Variants in TMEM67 observed in about 807,000 individuals in gnomAD.
TMEM67 encodes the protein transmembrane protein 67.
In TMEM67, 124 loss-of-function variants were observed where a neutral mutation model predicts 136.6. That is an observed-to-expected ratio of 0.91 (90% confidence interval 0.78 to 1.05). The LOEUF is 1.05. TMEM67 is among the 50% of genes least tolerant of loss of function. The pLI is 0.00. For synonymous variants in TMEM67, 364 were observed against 390.5 expected, an observed-to-expected ratio of 0.93 and a Z score of 0.80; for missense variants, 1,107 against 1,178.4, an observed-to-expected ratio of 0.94 and a Z score of 0.89.
intron 18 of TMEM67, among the ~76,000 whole-genome samples, chr8:93,796,696 A>G (rs1000966669): frequency 2.4e-4 from 36 of 150,698 alleles, no homozygotes; most frequent in Non-Finnish European, 5.2e-4. Flanking sequence ...GCAGAAATAG[A>G]AAAAAAAGAC....
chr8:93,759,578 A>G (rs1298437079), intron 3 of TMEM67: 2 of 152,248 alleles, frequency 1.3e-5, no homozygotes, highest in Non-Finnish European at 2.9e-5. Context: ...GGAAGAAAAT[A>G]CCTCATATAC....
At chr8:93,771,247 T>C (rs1225231921) in intron 6 of TMEM67, among the ~76,000 whole-genome samples, 1 of 151,190 alleles carries the variant, frequency 6.6e-6, no homozygotes, top group African/African-American at 2.4e-5. Context: ...TTTTTCTCTG[T>C]GCTTTTTTTT....
At chr8:93,815,671 G>A (rs1272870883) in intron 27 of TMEM67, among the ~76,000 whole-genome samples, 1 of 152,210 alleles carries the variant, frequency 6.6e-6, no homozygotes, top group Non-Finnish European at 1.5e-5. Flanking sequence ...GGCATAAGTT[G>A]CTTGATTATA....
chr8:93,776,708 G>C (rs1160885206), intron 7 of TMEM67, among the ~76,000 whole-genome samples: 1 of 152,224 alleles, frequency 6.6e-6, no homozygotes, highest in Admixed American at 6.5e-5. Context: ...AAGTCAGCTT[G>C]ATCGTGTTGG....
rs1014440884 is a variant in TMEM67, at chr8:93,772,780, A to T, written c.714+129A>T. The T allele has an allele frequency of 4.9e-5, 33 of 668,148 alleles. 1 individual carries two copies. The Middle Eastern group carries it at 1.3e-3, about 26-fold the overall frequency. 41.4% of individuals were successfully genotyped at this position (668,148 alleles called of 1,614,324 possible). A position where few individuals can be genotyped will look rare whatever the true frequency, so the allele number is the denominator to read the frequency against. ...GGTCATAATCTTATAAGAAGAATAAACTCTTTCTTGTGGGCTGAAAGAGAA... is the reference window on the plus strand; with the variant it reads ...GGTCATAATCTTATAAGAAGAATAATCTCTTTCTTGTGGGCTGAAAGAGAA... On this transcript the variant is annotated intron_variant, in intron 7 of 27. Transcript: ENST00000453321.
Position 93,817,970 on chromosome 8 carries a change from G to C in TMEM67, c.*1518G>C, listed in dbSNP as rs1057085034. On this transcript the variant is annotated 3_prime_UTR_variant, in exon 28 of 28. Coordinates refer to ENST00000453321, the MANE Select transcript of TMEM67 (RefSeq NM_153704.6). ...TTCAACATAGAAGAAGTTAATTTTA[G>C]TGCAAAAGTTTTTAAGTATTAAATT... 2.6e-5 allele frequency: 4 copies of C among 152,184 alleles called. No individual in the cohort carries two copies. The highest frequency in any genetic ancestry group is 6.5e-5 in the Admixed American group (1 of 15,272). 9.4% of individuals were successfully genotyped at this position (152,184 alleles called of 1,614,324 possible).
chr8:93,788,988 G>C (rs1448402121), intron 14 of TMEM67, among the ~76,000 whole-genome samples: 1 of 151,814 alleles, frequency 6.6e-6, no homozygotes, highest in African/African-American at 2.4e-5. Flanking sequence ...GAGGGATAGA[G>C]GTAAAAAAAA....
downstream of TMEM67, among the ~76,000 whole-genome samples, chr8:93,819,978 G>C (rs1809017504): frequency 1.3e-5 from 2 of 152,062 alleles, no homozygotes; most frequent in Admixed American, 1.3e-4. Context: ...ACCCTAGGAG[G>C]CAATGTTCCT....
At chr8:93,819,146 T>C (rs1283740971), downstream of TMEM67, 1 of 451,616 alleles carries the variant, frequency 2.2e-6, no homozygotes, top group Non-Finnish European at 4.4e-6. Flanking sequence ...GAGTAAACTA[T>C]GAATGCTGGA....
intron 12 of TMEM67, 144 bp from the exon 13 acceptor site, chr8:93,786,079 A>C: frequency 1.3e-6 from 1 of 754,052 alleles, no homozygotes; most frequent in Non-Finnish European, 2.2e-6. Flanking sequence ...GTCTAAAAAA[A>C]ACAAAAGAAG....
chr8:93,825,878 A>G, the TMEM67 span, among the ~76,000 whole-genome samples: 1 of 152,192 alleles, frequency 6.6e-6, no homozygotes, highest in African/African-American at 2.4e-5. Context: ...CCAATTGACC[A>G]TTTGGGTGTA....
chr8:93,787,711 C>T (rs1040099916), intron 13 of TMEM67, 133 bp from the exon 14 acceptor site: 61 of 724,440 alleles, frequency 8.4e-5, no homozygotes, highest in Non-Finnish European at 1.3e-4. Flanking sequence ...TGTAACCTTC[C>T]TTAGTCCTTG....
chr8:93,783,198 C>A (rs1813927464), intron 11 of TMEM67, among the ~76,000 whole-genome samples: 1 of 152,152 alleles, frequency 6.6e-6, no homozygotes, highest in African/African-American at 2.4e-5. Context: ...GTTGACCACG[C>A]TTGTCTCAAA....
chr8:93,784,430 G>C (rs1438530291), intron 11 of TMEM67, among the ~76,000 whole-genome samples: 8 of 152,204 alleles, frequency 5.3e-5, no homozygotes, highest in African/African-American at 1.2e-4. Flanking sequence ...TGGAGCCAAT[G>C]TTCTATCATC....
chr8:93,793,122 C>T lies in TMEM67; in HGVS notation c.1576-76C>T, dbSNP rs563059048. The T allele has an allele frequency of 1.3e-4, 175 of 1,364,718 alleles. 3 individuals are homozygous for T. The South Asian group carries it at 2.0e-3, about 16-fold the overall frequency. The allele number at this position is 1,364,718 out of a possible 1,614,324, so 84.5% of individuals were successfully genotyped here. ...CACCCCACCATTTTTTTGAGCACTT[C>T]CTTACTTGTTCACAGTGTTTTTGAA... On this transcript the variant is annotated intron_variant, in intron 15 of 27. Coordinates refer to ENST00000453321, the MANE Select transcript of TMEM67 (RefSeq NM_153704.6).
intron 23 of TMEM67, among the ~76,000 whole-genome samples, chr8:93,807,493 A>T (rs568823806): frequency 4.6e-5 from 7 of 152,140 alleles, no homozygotes; most frequent in Non-Finnish European, 8.8e-5. Flanking sequence ...ACGTTAAGTG[A>T]AAAAGGAGTC....
chr8:93,781,552 T>C lies in TMEM67; in HGVS notation c.979-106T>C, dbSNP rs1813827791. ...GAACCTCAAAATAAAGATAATTGAATGTAATTTTTCAACAAAAAAGATCAG... is the reference window on the plus strand; with the variant it reads ...GAACCTCAAAATAAAGATAATTGAACGTAATTTTTCAACAAAAAAGATCAG... On this transcript the variant is annotated intron_variant, in intron 9 of 27. Transcript: ENST00000453321. The C allele has an allele frequency of 5.5e-6, 3 of 540,664 alleles. No individual in the cohort carries two copies. In the East Asian group the frequency reaches 9.0e-5, roughly 16 times the overall value. 33.5% of individuals were successfully genotyped at this position (540,664 alleles called of 1,614,324 possible). A position where few individuals can be genotyped will look rare whatever the true frequency, so the allele number is the denominator to read the frequency against.
chr8:93,781,751 A>G lies in TMEM67; in HGVS notation c.1065+7A>G. 6.4e-7 allele frequency: 1 copy of G among 1,555,622 alleles called. No homozygotes were observed. Among genetic ancestry groups the G allele is most frequent in the Non-Finnish European group, 8.8e-7 (1 of 1,130,462 alleles). On this transcript the variant is annotated splice_region_variant and intron_variant, in intron 10 of 27. Transcript: ENST00000453321. ...AGAAGGAGGTGTTTTACAGGTAAGC[A>G]TGATTCTAGTTAAAGAATTAATAAC...
In TMEM67 at chr8:93,791,291, A is replaced by G; in HGVS notation, c.1547A>G (p.Asp516Gly). Reference sequence around the variant, plus strand: ...TCTTTCTCAGTCACATATGAAATGGATCATGGAGAAGCACATGTCCAGACA... The same window carrying G: ...TCTTTCTCAGTCACATATGAAATGGGTCATGGAGAAGCACATGTCCAGACA... ...KVSFSVTYEM[D>G]HGEAHVQTDI... Residue 516 changes from aspartate (D) to glycine (G), a missense_variant, in exon 15 of 28, where the codon GAT becomes GGT. Transcript: ENST00000453321. 6.2e-7 allele frequency: 1 copy of G among 1,606,888 alleles called. No homozygotes were observed. The highest frequency in any genetic ancestry group is 1.1e-5 in the South Asian group (1 of 90,784).
Sources: allele counts gnomAD v4.1 joint callset (sites outside exome capture counted in the v4.1 genomes callset), GRCh38; gene constraint gnomAD v4.1.1; transcripts MANE v1.5; gene names NCBI Gene and HGNC (gene_info 2026-07-23, HGNC 2026-07-21).